Variants in TIPARP observed in about 807,000 individuals in gnomAD.
TIPARP encodes the protein TCDD inducible poly(ADP-ribose) polymerase, also known as protein mono-ADP-ribosyltransferase TIPARP.
In TIPARP, 12 loss-of-function variants were observed where a neutral mutation model predicts 56.5. The ratio of observed to expected loss-of-function variants is 0.21; its 90% CI spans 0.14 to 0.34. The LOEUF (loss-of-function observed/expected upper bound fraction) is 0.34. TIPARP is among the 10% of genes least tolerant of loss of function. TIPARP has a pLI of 1.00. For synonymous variants in TIPARP, 296 were observed against 265.7 expected (o/e 1.11, Z -1.11); for missense variants, 604 against 781.6 (o/e 0.77, Z 2.71).
intron 2 of TIPARP, 24 bp downstream of exon 2, chr3:156,678,638 G>T: frequency 6.3e-7 from 1 of 1,583,164 alleles, no homozygotes; most frequent in South Asian, 1.2e-5. Flanking sequence ...ACAACTTGTA[G>T]AACTGTTGTT....
At position 156,683,371 on chromosome 3, in the gene TIPARP, T is replaced by C. The variant is rs537230048; in HGVS notation, c.917+4757T>C. ...TTGGAGACCAGAAGTGTTTCAGATT[T>C]TGGATTTTGGAATATTTGCATAGTA... On this transcript the variant is annotated intron_variant, in intron 2 of 5. Transcript: ENST00000295924. Among the ~76,000 whole-genome samples, 29 of 152,292 alleles carry C rather than the reference T, an allele frequency of 1.9e-4. 1 individual carries two copies. The South Asian group carries it at 2.1e-3, about 11-fold the overall frequency.
intron 4 of TIPARP, among the ~76,000 whole-genome samples, chr3:156,701,084 G>A (rs1423777526): frequency 6.6e-6 from 1 of 152,180 alleles, no homozygotes; most frequent in Admixed American, 6.5e-5. Flanking sequence ...GCATTTTTAT[G>A]TTTTAGGCAA....
At chr3:156,676,958 G>A (rs1204995642) in intron 1 of TIPARP, among the ~76,000 whole-genome samples, 1 of 152,014 alleles carries the variant, frequency 6.6e-6, no homozygotes, top group Non-Finnish European at 1.5e-5. Context: ...TTGCTAATGG[G>A]GCTTCTGTTA....
intron 2 of TIPARP, among the ~76,000 whole-genome samples, chr3:156,689,724 T>C (rs145916575): frequency 6.6e-6 from 1 of 152,360 alleles, no homozygotes; most frequent in East Asian, 1.9e-4. Context: ...ACCTCCCACA[T>C]GAACTGGGTG....
intron 4 of TIPARP, among the ~76,000 whole-genome samples, chr3:156,697,774 G>T (rs13314482): frequency 0.12 from 18,181 of 151,930 alleles, 1,296 homozygotes; most frequent in Non-Finnish European, 0.16. Flanking sequence ...ATTTGTTTTG[G>T]GGTGCCAAGA....
At chr3:156,690,344 T>C (rs1163417022) in intron 2 of TIPARP, among the ~76,000 whole-genome samples, 2 of 152,194 alleles carry the variant, frequency 1.3e-5, no homozygotes, top group East Asian at 1.9e-4. Context: ...AGTATACTTA[T>C]TAAAGAAATA....
intron 4 of TIPARP, among the ~76,000 whole-genome samples, chr3:156,702,261 C>T (rs993355502): frequency 6.6e-5 from 10 of 152,178 alleles, no homozygotes; most frequent in East Asian, 1.9e-4. Flanking sequence ...ATTCTGTCTT[C>T]GCTCTTTGCT....
Position 156,678,100 on chromosome 3 carries a change from G to T in TIPARP, c.403G>T (p.Val135Phe). The T allele has an allele frequency of 1.2e-6, 2 of 1,614,100 alleles. No homozygotes were observed. The highest frequency in any genetic ancestry group is 1.7e-6 in the Non-Finnish European group (2 of 1,180,030). Residue 135 changes from valine (V) to phenylalanine (F), a missense_variant, in exon 2 of 6, where the codon GTT becomes TTT. Physicochemically the swap from Val to Phe is conservative, Grantham distance 50. Coordinates refer to ENST00000295924, the MANE Select transcript of TIPARP (RefSeq NM_015508.5). ...HPSTEAPERV[V>F]PIQDHSFPSE... ...TTCCACTGAAGCTCCAGAACGAGTG[G>T]TTCCAATCCAAGATCACAGCTTTCC...
At chr3:156,678,639 A>G (rs1334791948) in intron 2 of TIPARP, 25 bp downstream of exon 2, 12 of 1,585,470 alleles carry the variant, frequency 7.6e-6, no homozygotes, top group Non-Finnish European at 1.0e-5. Context: ...CAACTTGTAG[A>G]ACTGTTGTTA....
chr3:156,689,736 G>A (rs1006758914), intron 2 of TIPARP, among the ~76,000 whole-genome samples: 2 of 152,182 alleles, frequency 1.3e-5, no homozygotes, highest in Non-Finnish European at 2.9e-5. Context: ...AACTGGGTGT[G>A]CCTCTTGCAC....
At chr3:156,675,983 C>G (rs933573604) in intron 1 of TIPARP, among the ~76,000 whole-genome samples, 3 of 152,172 alleles carry the variant, frequency 2.0e-5, no homozygotes, top group Non-Finnish European at 4.4e-5. Flanking sequence ...GTTGCGCGCG[C>G]GCGCTTGCGT....
chr3:156,696,221 A>G (rs1232450332), intron 4 of TIPARP, among the ~76,000 whole-genome samples, 196 bp downstream of exon 4: 1 of 152,222 alleles, frequency 6.6e-6, no homozygotes, highest in Non-Finnish European at 1.5e-5. Flanking sequence ...TTACACTAGA[A>G]GAATGAGTAA....
In TIPARP at chr3:156,677,543, TAA is replaced by T. The variant is rs1243760385; in HGVS notation, c.-41-113_-41-112del. On this transcript the variant is annotated intron_variant, in intron 1 of 5. Coordinates refer to ENST00000295924, the MANE Select transcript of TIPARP (RefSeq NM_015508.5). ...TGACTTGTAAAAACTAAATATAGTA[TAA>T]GAGGAATGGTTTCAGGGAATCAGTC... 5 of 692,884 alleles carry T rather than the reference TAA, an allele frequency of 7.2e-6. No homozygotes were observed. In the African/African-American group the frequency reaches 9.1e-5, roughly 13 times the overall value. 42.9% of individuals were successfully genotyped at this position (692,884 alleles called of 1,614,324 possible). A position where few individuals can be genotyped will look rare whatever the true frequency, so the allele number is the denominator to read the frequency against.
At chr3:156,695,276 C>T (rs926390281) in intron 3 of TIPARP, among the ~76,000 whole-genome samples, 1 of 151,984 alleles carries the variant, frequency 6.6e-6, no homozygotes, top group Admixed American at 6.6e-5. Flanking sequence ...TACAGTGGCA[C>T]AATCATAGCT....
At chr3:156,686,947 A>G (rs868455911) in intron 2 of TIPARP, among the ~76,000 whole-genome samples, 6 of 152,110 alleles carry the variant, frequency 3.9e-5, no homozygotes, top group Non-Finnish European at 8.8e-5. Flanking sequence ...ATTAACCACT[A>G]TTTGTGCCTT....
chr3:156,682,323 A>G (rs2108488165), intron 2 of TIPARP, among the ~76,000 whole-genome samples: 1 of 152,280 alleles, frequency 6.6e-6, no homozygotes, highest in Admixed American at 6.5e-5. Flanking sequence ...TTTTTTTCAG[A>G]GGACAGGGTT....
intron 4 of TIPARP, among the ~76,000 whole-genome samples, chr3:156,701,543 A>G (rs1722844330): frequency 6.6e-6 from 1 of 152,196 alleles, no homozygotes; most frequent in Non-Finnish European, 1.5e-5. Context: ...AAATAAAAAT[A>G]AGGGGCTTAT....
At chr3:156,681,135 A>T (rs1286964783) in intron 2 of TIPARP, 1 of 456,546 alleles carries the variant, frequency 2.2e-6, no homozygotes. Flanking sequence ...CAAGATGCAG[A>T]TAACGGCATG....
chr3:156,703,944 C>T lies in TIPARP; in HGVS notation c.1526+242C>T, dbSNP rs534056782. ...AGGAGAATGGTGTGAACCTGGGAGG[C>T]GGAGCTTGCAGTGAGCCGAGATTGC... is the stretch of plus-strand genomic sequence containing the variant. On this transcript the variant is annotated intron_variant, in intron 5 of 5. Transcript: ENST00000295924. 5.6e-5 allele frequency among the ~76,000 whole-genome samples: 8 copies of T among 142,904 alleles called. No individual in the cohort carries two copies. In the South Asian group the frequency reaches 1.1e-3, roughly 20 times the overall value. The allele number at this position is 142,904 out of a possible 152,430, so 93.8% of individuals were successfully genotyped here.
Sources: allele counts gnomAD v4.1 joint callset (sites outside exome capture counted in the v4.1 genomes callset), GRCh38; gene constraint gnomAD v4.1.1; transcripts MANE v1.5; gene names NCBI Gene and HGNC (gene_info 2026-07-23, HGNC 2026-07-21).